LRRFIP2: variants seen among roughly 807,000 people sequenced by gnomAD.
LRRFIP2 encodes the protein LRR binding FLII interacting protein 2, also known as leucine-rich repeat flightless-interacting protein 2.
In LRRFIP2, 109 loss-of-function variants were observed where a neutral mutation model predicts 125.9. The ratio of observed to expected loss-of-function variants is 0.87; its 90% CI spans 0.74 to 1.01. The LOEUF is 1.01. Ranked by LOEUF, LRRFIP2 falls within the 50% of genes least tolerant of loss-of-function variation. LRRFIP2 has a pLI of 0.00. For synonymous variants in LRRFIP2, 291 were observed against 293.1 expected, an observed-to-expected ratio of 0.99 and a Z score of 0.07; for missense variants, 850 against 862.3, an observed-to-expected ratio of 0.99 and a Z score of 0.18.
At chr3:37,132,167 G>T (rs570523805) in intron 2 of LRRFIP2, among the ~76,000 whole-genome samples, 50 of 151,716 alleles carry the variant, frequency 3.3e-4, no homozygotes, top group Non-Finnish European at 5.7e-4. Context: ...ACACTTCAAG[G>T]CTTTTAAGCT....
chr3:37,114,581 G>A (rs951784478), intron 7 of LRRFIP2, among the ~76,000 whole-genome samples: 3 of 151,936 alleles, frequency 2.0e-5, no homozygotes, highest in South Asian at 2.1e-4. Context: ...CCAAAAGTTC[G>A]AGACCAGCCT....
chr3:37,061,183 A>G (rs1461400580), intron 24 of LRRFIP2, among the ~76,000 whole-genome samples: 1 of 152,082 alleles, frequency 6.6e-6, no homozygotes, highest in East Asian at 1.9e-4. Flanking sequence ...CGTGATGAGA[A>G]GTTTCCTGAG....
intron 6 of LRRFIP2, among the ~76,000 whole-genome samples, chr3:37,117,598 T>A (rs1009393944): frequency 6.2e-4 from 95 of 152,094 alleles, no homozygotes; most frequent in African/African-American, 2.1e-3. Context: ...TTTTTTAACT[T>A]TAAAAGTTAA....
chr3:37,142,059 T>G (rs2095715718), intron 2 of LRRFIP2, among the ~76,000 whole-genome samples: 1 of 152,164 alleles, frequency 6.6e-6, no homozygotes, highest in South Asian at 2.1e-4. Flanking sequence ...CAGAGCCATA[T>G]TCTTGTTGCA....
At chr3:37,054,670 T>TATTTATAAATACTTG (rs1263466636) in intron 26 of LRRFIP2, among the ~76,000 whole-genome samples, 155 bp from the exon 27 acceptor site, 2 of 152,222 alleles carry the variant, frequency 1.3e-5, no homozygotes, top group Non-Finnish European at 2.9e-5. Flanking sequence ...ACTCAGTTGC[T>TATTTATAAATACTTG]ATTTATAAAT....
At position 37,053,647 on chromosome 3, in the gene LRRFIP2, A is replaced by G. The variant is rs1041022282; in HGVS notation, c.*204T>C. On this transcript the variant is annotated 3_prime_UTR_variant, in exon 28 of 28. Coordinates refer to ENST00000336686, the MANE Select transcript of LRRFIP2 (RefSeq NM_006309.4). Reference sequence around the variant, plus strand: ...AAACAGCATGGACTGGTTCTACCCTAGAATCAAACTACAACAAAATCCAAA... The same window carrying G: ...AAACAGCATGGACTGGTTCTACCCTGGAATCAAACTACAACAAAATCCAAA... 2.8e-5 allele frequency: 16 copies of G among 563,234 alleles called. No homozygotes were observed. The highest frequency in any genetic ancestry group is 9.4e-5 in the Admixed American group (3 of 31,928). The allele number at this position is 563,234 out of a possible 1,614,324, so 34.9% of individuals were successfully genotyped here.
intron 17 of LRRFIP2, among the ~76,000 whole-genome samples, chr3:37,092,150 A>G (rs1407427444): frequency 6.6e-6 from 1 of 152,330 alleles, no homozygotes; most frequent in South Asian, 2.1e-4. Flanking sequence ...TGATGAGAAA[A>G]GCACTTGCTC....
chr3:37,108,199 G>GTAAATGGTCCCTAAT, intron 12 of LRRFIP2, 70 bp from the exon 13 acceptor site: 1 of 1,252,554 alleles, frequency 8.0e-7, no homozygotes, highest in Non-Finnish European at 1.2e-6. Flanking sequence ...AATACATTAG[G>GTAAATGGTCCCTAAT]GACCATTTAC....
At chr3:37,097,447 T>C (rs1170493238) in intron 15 of LRRFIP2, among the ~76,000 whole-genome samples, 1 of 152,234 alleles carries the variant, frequency 6.6e-6, no homozygotes, top group African/African-American at 2.4e-5. Context: ...CATTTATTTA[T>C]TGTCTGCTCT....
At chr3:37,062,685 T>TA (rs1199831786) in intron 24 of LRRFIP2, among the ~76,000 whole-genome samples, 2 of 152,114 alleles carry the variant, frequency 1.3e-5, no homozygotes, top group Non-Finnish European at 2.9e-5. Context: ...AATGTCCTTT[T>TA]AAAAAATCTT....
intron 13 of LRRFIP2, among the ~76,000 whole-genome samples, chr3:37,105,754 TTA>T (rs1340052721): frequency 6.6e-6 from 1 of 152,148 alleles, no homozygotes; most frequent in Non-Finnish European, 1.5e-5. Context: ...AAGTAAAACC[TTA>T]TATTTTATTT....
chr3:37,056,638 A>G (rs1052289225), intron 25 of LRRFIP2, among the ~76,000 whole-genome samples: 20 of 152,166 alleles, frequency 1.3e-4, no homozygotes, highest in African/African-American at 4.8e-4. Context: ...TATTTTTAGT[A>G]GAGACGGGGT....
At position 37,151,016 on chromosome 3, in the gene LRRFIP2, C is replaced by T. The variant is rs550543225; in HGVS notation, c.-55-1978G>A. Among the ~76,000 whole-genome samples the T allele has an allele frequency of 2.6e-5, 4 of 152,266 alleles. No homozygotes were observed. In the South Asian group the frequency reaches 6.2e-4, roughly 24 times the overall value. On this transcript the variant is annotated intron_variant, in intron 1 of 27. Transcript: ENST00000336686. ...GACTGATGATGGTTTATTACTTTTA[C>T]TTCACTAGAGAAGATATATCTGGAT... is the stretch of plus-strand genomic sequence containing the variant.
At chr3:37,129,206 C>T (rs552073265) in intron 2 of LRRFIP2, 57 bp from the exon 3 acceptor site, 16 of 1,475,940 alleles carry the variant, frequency 1.1e-5, no homozygotes, top group Non-Finnish European at 1.3e-5. Flanking sequence ...AACCTGTACA[C>T]CAGATTTGAA....
chr3:37,071,101 C>A (rs1051061439), intron 21 of LRRFIP2, among the ~76,000 whole-genome samples: 1 of 152,154 alleles, frequency 6.6e-6, no homozygotes, highest in African/African-American at 2.4e-5. Flanking sequence ...AAACACCTAA[C>A]AGAATTATTG....
intron 15 of LRRFIP2, among the ~76,000 whole-genome samples, chr3:37,099,474 T>G (rs1435753231): frequency 1.3e-5 from 2 of 152,216 alleles, no homozygotes; most frequent in African/African-American, 2.4e-5. Flanking sequence ...GTTTCTTCAA[T>G]GCAGTCATTG....
intron 19 of LRRFIP2, among the ~76,000 whole-genome samples, chr3:37,078,036 A>G (rs988438463): frequency 2.6e-5 from 4 of 152,192 alleles, no homozygotes; most frequent in African/African-American, 9.6e-5. Flanking sequence ...TAATGGGTAC[A>G]GAGTTCTAGT....
At chr3:37,096,733 T>A in intron 15 of LRRFIP2, 73 bp from the exon 16 acceptor site, 1 of 759,642 alleles carries the variant, frequency 1.3e-6, no homozygotes, top group Non-Finnish European at 2.2e-6. Flanking sequence ...AAAAAAGTGA[T>A]CTTGAGTTTT....
At chr3:37,086,227 G>C (rs2093038224) in intron 18 of LRRFIP2, among the ~76,000 whole-genome samples, 1 of 152,182 alleles carries the variant, frequency 6.6e-6, no homozygotes, top group Non-Finnish European at 1.5e-5. Flanking sequence ...GAAGACAAGT[G>C]TTAGTAAGGA....
Sources: gnomAD v4.1 joint callset for allele counts (sites outside exome capture counted in the v4.1 genomes callset) on GRCh38, gnomAD v4.1.1 for gene constraint, MANE v1.5 for transcripts, NCBI Gene and HGNC (gene_info 2026-07-23, HGNC 2026-07-21) for gene names.